Variants in ZNF469 observed in about 807,000 individuals in gnomAD.
ZNF469 encodes zinc finger protein 469.
A neutral mutation model predicts 1.0 loss-of-function variants in ZNF469; 1 was observed. That is an observed-to-expected ratio of 1.00 (90% CI 0.35 to 4.73). The LOEUF is 4.73. ZNF469 is among the 30% of genes most tolerant of loss of function. ZNF469 has a pLI of 0.16. For missense variants in ZNF469, 6,100 were observed against 5,356.3 expected, an observed-to-expected ratio of 1.14 and a Z score of -4.33; for synonymous variants, 2,703 against 2,363.4, an observed-to-expected ratio of 1.14 and a Z score of -4.17.
chr16:88,325,218 G>GGTCCCGACAGCAGCTGCA, the ZNF469 span, among the ~76,000 whole-genome samples: 1 of 114,284 alleles, frequency 8.8e-6, no homozygotes, highest in Admixed American at 8.5e-5. Flanking sequence ...CAGCAGCTGT[G>GGTCCCGACAGCAGCTGCA]ACATACACAG....
chr16:88,251,402 C>G, the ZNF469 span, among the ~76,000 whole-genome samples: 1 of 152,064 alleles, frequency 6.6e-6, no homozygotes, highest in Non-Finnish European at 1.5e-5. Flanking sequence ...AATGTAGATG[C>G]TATGTCGGCA....
chr16:88,394,974 GC>G (rs1904612686), intron 1 of ZNF469, among the ~76,000 whole-genome samples: 3 of 152,188 alleles, frequency 2.0e-5, no homozygotes, highest in Admixed American at 2.0e-4. Flanking sequence ...CAACAGCGTT[GC>G]CCCCATCAGC....
chr16:88,243,626 T>C, the ZNF469 span, among the ~76,000 whole-genome samples: 118 of 152,100 alleles, frequency 7.8e-4, no homozygotes, highest in East Asian at 0.022. Context: ...CCAGAGGAGA[T>C]GCCTCCTCTG....
the ZNF469 span, among the ~76,000 whole-genome samples, chr16:88,261,422 G>A: frequency 6.6e-6 from 1 of 152,180 alleles, no homozygotes; most frequent in East Asian, 1.9e-4. This position sits in a 1 kb window ranked among gnomAD's most constrained non-coding sequence, Gnocchi z 6.0. Context: ...GGAATGCACA[G>A]TAGGTCATGC....
chr16:88,318,201 C>T, the ZNF469 span, among the ~76,000 whole-genome samples: 1 of 152,242 alleles, frequency 6.6e-6, no homozygotes, highest in African/African-American at 2.4e-5. Context: ...TGGAGGGAGG[C>T]CGCTGGTTCT....
the ZNF469 span, among the ~76,000 whole-genome samples, chr16:88,301,874 G>A: frequency 6.6e-6 from 1 of 152,202 alleles, no homozygotes; most frequent in African/African-American, 2.4e-5. Flanking sequence ...GCAGGAGGGG[G>A]TAACTATCAG....
the ZNF469 span, among the ~76,000 whole-genome samples, chr16:88,242,794 G>T: frequency 7.9e-5 from 12 of 152,342 alleles, no homozygotes; most frequent in Admixed American, 5.2e-4. Flanking sequence ...TGTCTCTAAA[G>T]CCCAGGGTGT....
chr16:88,275,559 A>G, the ZNF469 span, among the ~76,000 whole-genome samples: 5 of 152,116 alleles, frequency 3.3e-5, no homozygotes, highest in Admixed American at 2.6e-4. Flanking sequence ...CCCTCACAGC[A>G]TCCTTCCACC....
At chr16:88,258,500 C>A in the ZNF469 span, among the ~76,000 whole-genome samples, 2 of 149,612 alleles carry the variant, frequency 1.3e-5, no homozygotes, top group African/African-American at 4.9e-5. Flanking sequence ...CTAAAGGAGG[C>A]CCAGCACAAA....
the ZNF469 span, among the ~76,000 whole-genome samples, chr16:88,102,067 G>GC: frequency 4.9e-5 from 3 of 60,720 alleles, no homozygotes; most frequent in Non-Finnish European, 7.4e-5. Flanking sequence ...CCCCACCCCC[G>GC]CCCCCCGCCC....
the ZNF469 span, chr16:88,193,463 C>G: frequency 2.0e-5 from 3 of 152,244 alleles, no homozygotes; most frequent in African/African-American, 7.2e-5. Flanking sequence ...CTTCGGAAGG[C>G]TGAGGCTGGA....
chr16:88,373,300 G>T, the ZNF469 span, among the ~76,000 whole-genome samples: 1 of 152,216 alleles, frequency 6.6e-6, no homozygotes, highest in Non-Finnish European at 1.5e-5. Context: ...TATATGGCTT[G>T]CAGGAGTCTC....
upstream of ZNF469, among the ~76,000 whole-genome samples, chr16:88,380,824 A>G (rs1406089889): frequency 2.0e-5 from 3 of 146,862 alleles, no homozygotes; most frequent in Non-Finnish European, 3.0e-5. Flanking sequence ...CCAGACACAC[A>G]CACACACGCA....
chr16:88,433,023 C>G lies in ZNF469; in HGVS notation c.5553C>G (p.Gly1851=). ...TCCACCCCACGGCAGGGAGGCCTGG[C>G]TTTGAGGGTAATGAGTTTGCACCGG... ...GHLHPTAGRP[G]FEGNEFAPAG... Residue 1851 remains glycine, a synonymous_variant, in exon 3 of 3, where the codon GGC becomes GGG. Transcript: ENST00000565624. 8.4e-6 allele frequency: 13 copies of G among 1,550,288 alleles called. No homozygotes were observed. Among genetic ancestry groups the G allele is most frequent in the Non-Finnish European group, 1.0e-5 (12 of 1,146,948 alleles).
the ZNF469 span, among the ~76,000 whole-genome samples, chr16:88,141,325 C>T: frequency 3.3e-5 from 5 of 152,068 alleles, no homozygotes; most frequent in African/African-American, 9.7e-5. Flanking sequence ...AGACAAGAGT[C>T]GGACTAGGAA....
chr16:88,175,198 A>T, the ZNF469 span, among the ~76,000 whole-genome samples: 2 of 152,254 alleles, frequency 1.3e-5, no homozygotes, highest in Admixed American at 1.3e-4. Flanking sequence ...ATCCCCGCAC[A>T]GCAGCACCTA....
the ZNF469 span, among the ~76,000 whole-genome samples, chr16:88,134,819 T>C: frequency 6.6e-6 from 1 of 152,324 alleles, no homozygotes; most frequent in African/African-American, 2.4e-5. Context: ...TGATTGCCAG[T>C]GTATATTATT....
the ZNF469 span, among the ~76,000 whole-genome samples, chr16:88,297,969 T>C: frequency 2.6e-5 from 4 of 152,038 alleles, no homozygotes; most frequent in Non-Finnish European, 1.5e-5. Context: ...GGAAGGAGGT[T>C]CCCCAATATC....
the ZNF469 span, among the ~76,000 whole-genome samples, chr16:88,196,058 C>T: frequency 6.6e-6 from 1 of 152,208 alleles, no homozygotes; most frequent in African/African-American, 2.4e-5. Flanking sequence ...GAGACCTGTG[C>T]TCTGACTTAT....
Sources: gnomAD v4.1 joint callset for allele counts (sites outside exome capture counted in the v4.1 genomes callset) on GRCh38, gnomAD v4.1.1 for gene constraint, Gnocchi (gnomAD v3.1) non-coding constraint, MANE v1.5 for transcripts, NCBI Gene and HGNC (gene_info 2026-07-23, HGNC 2026-07-21) for gene names.